The following KCNQ3 variants were observed in gnomAD, a reference collection of about 807,000 sequenced individuals.
KCNQ3 encodes potassium voltage-gated channel subfamily Q member 3.
A neutral mutation model predicts 92.5 loss-of-function variants in KCNQ3; 30 were observed. The ratio of observed to expected loss-of-function variants is 0.32; its 90% CI spans 0.24 to 0.44. The LOEUF (loss-of-function observed/expected upper bound fraction) is 0.44, where lower values mean the gene tolerates loss of function less well. Among genes scored for constraint, KCNQ3 ranks in the 20% least tolerant of loss-of-function variants. The pLI is 1.00. For synonymous variants in KCNQ3, 450 were observed against 468.8 expected (o/e 0.96, Z 0.52); for missense variants, 913 against 1,140.3 (o/e 0.80, Z 2.87).
At chr8:132,357,351 G>A (rs1041809804) in intron 1 of KCNQ3, among the ~76,000 whole-genome samples, 3 of 152,212 alleles carry the variant, frequency 2.0e-5, no homozygotes, top group African/African-American at 7.2e-5. Flanking sequence ...AGGGTGTGCT[G>A]TGGAGAACAG....
chr8:132,283,852 G>A (rs145512313), intron 1 of KCNQ3, among the ~76,000 whole-genome samples: 2 of 152,262 alleles, frequency 1.3e-5, no homozygotes, highest in Non-Finnish European at 2.9e-5. Flanking sequence ...ATGGTCACAA[G>A]GATTACAAGT....
At chr8:132,310,628 A>G (rs928978817) in intron 1 of KCNQ3, among the ~76,000 whole-genome samples, 1 of 152,200 alleles carries the variant, frequency 6.6e-6, no homozygotes, top group African/African-American at 2.4e-5. Flanking sequence ...GGGCCTGGGC[A>G]CCACAGGTGG....
intron 1 of KCNQ3, among the ~76,000 whole-genome samples, chr8:132,304,718 T>C (rs1030403578): frequency 2.0e-5 from 3 of 152,158 alleles, no homozygotes; most frequent in Non-Finnish European, 4.4e-5. Context: ...CATTCGACAG[T>C]ACTGATTTAG....
At chr8:132,230,007 C>T (rs1032844103) in intron 1 of KCNQ3, among the ~76,000 whole-genome samples, 1 of 152,144 alleles carries the variant, frequency 6.6e-6, no homozygotes, top group Non-Finnish European at 1.5e-5. Context: ...GGTCTGATCA[C>T]TCACTTTTTC....
At chr8:132,421,822 A>G (rs115751366) in intron 1 of KCNQ3, among the ~76,000 whole-genome samples, 2,779 of 152,218 alleles carry the variant, frequency 0.018, 85 homozygotes, top group African/African-American at 0.063. Context: ...TAAAACAGAT[A>G]ATGGGAGAGA....
At chr8:132,285,114 A>T (rs1383524361) in intron 1 of KCNQ3, among the ~76,000 whole-genome samples, 1 of 152,192 alleles carries the variant, frequency 6.6e-6, no homozygotes, top group Non-Finnish European at 1.5e-5. Context: ...ATTGGTACTG[A>T]TGAGTGGGAT....
At chr8:132,308,526 A>G (rs1009713854) in intron 1 of KCNQ3, among the ~76,000 whole-genome samples, 2 of 152,154 alleles carry the variant, frequency 1.3e-5, no homozygotes, top group African/African-American at 2.4e-5. Flanking sequence ...AAGAAAAGCC[A>G]TGTTCTCAGA....
rs1289977347 is a variant in KCNQ3 at position 132,170,274 on chromosome 8, T to C, written c.1235+60A>G. 7.2e-6 allele frequency: 9 copies of C among 1,248,224 alleles called. No homozygotes were observed. In the East Asian group the frequency reaches 1.4e-4, roughly 19 times the overall value. The allele number at this position is 1,248,224 out of a possible 1,614,324, so 77.3% of individuals were successfully genotyped here. On this transcript the variant is annotated intron_variant, in intron 8 of 14. Coordinates refer to ENST00000388996, the MANE Select transcript of KCNQ3 (RefSeq NM_004519.4). ...GGACCCGTGAGGCCACAGACACGAA[T>C]ACAGACCGCAGGAGAGATGGCTGGT... is the stretch of plus-strand genomic sequence containing the variant.
intron 1 of KCNQ3, among the ~76,000 whole-genome samples, chr8:132,375,448 T>G (rs1367541363): frequency 1.3e-5 from 2 of 152,214 alleles, no homozygotes; most frequent in Non-Finnish European, 2.9e-5. Context: ...TCACTCATTC[T>G]GCAGCCGCTG....
chr8:132,412,454 T>G (rs1820676481), intron 1 of KCNQ3, among the ~76,000 whole-genome samples: 1 of 152,164 alleles, frequency 6.6e-6, no homozygotes, highest in South Asian at 2.1e-4. Flanking sequence ...AAAGGAATAT[T>G]GCGACACCTC....
At chr8:132,353,686 C>A (rs1397713686) in intron 1 of KCNQ3, among the ~76,000 whole-genome samples, 2 of 151,982 alleles carry the variant, frequency 1.3e-5, no homozygotes, top group Admixed American at 1.3e-4. Flanking sequence ...TGGTGGCGCA[C>A]GGCTGTAATC....
intron 1 of KCNQ3, among the ~76,000 whole-genome samples, chr8:132,296,253 G>T (rs1817017840): frequency 6.6e-6 from 1 of 152,106 alleles, no homozygotes. Flanking sequence ...TTTCAGCGAG[G>T]TCCTGTAAAC....
chr8:132,181,989 G>A (rs1826794441), intron 3 of KCNQ3, among the ~76,000 whole-genome samples: 1 of 150,552 alleles, frequency 6.6e-6, no homozygotes, highest in African/African-American at 2.4e-5. Context: ...AGCTTGCAGT[G>A]AGCCGAGATC....
At chr8:132,276,384 C>T (rs1335816140) in intron 1 of KCNQ3, among the ~76,000 whole-genome samples, 1 of 152,064 alleles carries the variant, frequency 6.6e-6, no homozygotes, top group Non-Finnish European at 1.5e-5. Flanking sequence ...GAGCTGTCAG[C>T]AGAACCACAG....
At chr8:132,338,669 T>C (rs541436237) in intron 1 of KCNQ3, among the ~76,000 whole-genome samples, 24 of 152,306 alleles carry the variant, frequency 1.6e-4, no homozygotes, top group African/African-American at 5.3e-4. Context: ...CAGTCCAGAA[T>C]TCCCATCTGT....
At chr8:132,436,998 G>A (rs1187756851) in intron 1 of KCNQ3, among the ~76,000 whole-genome samples, 1 of 150,958 alleles carries the variant, frequency 6.6e-6, no homozygotes. Flanking sequence ...TGGGGTGGTG[G>A]GCCGGGCGCG....
intron 1 of KCNQ3, among the ~76,000 whole-genome samples, chr8:132,303,677 T>TATACACATAC (rs376933089): frequency 1.2e-5 from 1 of 85,990 alleles, no homozygotes; most frequent in Non-Finnish European, 2.2e-5. Flanking sequence ...TATATATATA[T>TATACACATAC]ACACACACAC....
rs533034499 is a variant in KCNQ3, at chr8:132,479,606, C to T, written c.386+541G>A. Among the ~76,000 whole-genome samples, 301 of 149,680 alleles carry T rather than the reference C, an allele frequency of 2.0e-3. 1 individual carries two copies. Among genetic ancestry groups the T allele is most frequent in the Non-Finnish European group, 3.2e-3 (215 of 67,714 alleles). ...CTTCTCTGTACCAGTACCCAGCGAT[C>T]AGAAGGGTGGCACAAGCAAGCGACA... On this transcript the variant is annotated intron_variant, in intron 1 of 14. Transcript: ENST00000388996.
rs386414036 is a variant in KCNQ3, at chr8:132,294,000, G to GTT, written c.387-107821_387-107820dup. Among the ~76,000 whole-genome samples, 1,084 of 124,160 alleles carry GTT rather than the reference G, an allele frequency of 8.7e-3. 51 individuals are homozygous for GTT. Among genetic ancestry groups the GTT allele is most frequent in the South Asian group, 0.053 (200 of 3,788 alleles). The allele number at this position is 124,160 out of a possible 152,430, so 81.5% of individuals were successfully genotyped here. A position where few individuals can be genotyped will look rare whatever the true frequency, so the allele number is the denominator to read the frequency against. ...ACTAAGGGTTTTTTGTGTGTGTGTG[G>GTT]TTTTTTTTTTTTTTTTTTGAGACGG... On this transcript the variant is annotated intron_variant, in intron 1 of 14. Coordinates refer to ENST00000388996, the MANE Select transcript of KCNQ3 (RefSeq NM_004519.4).
Sources: gnomAD v4.1 joint callset for allele counts (sites outside exome capture counted in the v4.1 genomes callset) on GRCh38, gnomAD v4.1.1 for gene constraint, MANE v1.5 for transcripts, NCBI Gene and HGNC (gene_info 2026-07-23, HGNC 2026-07-21) for gene names.